Variants in PRRC2B observed in about 807,000 individuals in gnomAD.
PRRC2B encodes protein PRRC2B.
In PRRC2B, 68 loss-of-function variants were observed where a neutral mutation model predicts 242.3. That is an observed-to-expected ratio of 0.28 (90% CI 0.23 to 0.34). PRRC2B has a LOEUF of 0.34. PRRC2B is among the 10% of genes least tolerant of loss of function. The pLI is 1.00. For missense variants in PRRC2B, 2,835 were observed against 2,954.8 expected (o/e 0.96, Z 0.94); for synonymous variants, 1,228 against 1,173.6 (o/e 1.05, Z -0.95).
At chr9:131,382,685 C>A (rs1359985260) in intron 1 of PRRC2B, among the ~76,000 whole-genome samples, 1 of 151,470 alleles carries the variant, frequency 6.6e-6, no homozygotes, top group African/African-American at 2.4e-5. Context: ...TTGCCTGTCG[C>A]CCAGGCTGGA....
chr9:131,374,179 T>TA (rs1240519063), intron 1 of PRRC2B, among the ~76,000 whole-genome samples: 1 of 151,946 alleles, frequency 6.6e-6, no homozygotes, highest in Non-Finnish European at 1.5e-5. Context: ...ATAACACATA[T>TA]ACCCCCCAAA....
At chr9:131,420,763 G>A in intron 1 of PRRC2B, among the ~76,000 whole-genome samples, 1 of 151,852 alleles carries the variant, frequency 6.6e-6, no homozygotes, top group Non-Finnish European at 1.5e-5. Context: ...GATTACAGGT[G>A]TGAACCGCCA....
At chr9:131,464,045 G>A (rs973699060) in intron 11 of PRRC2B, among the ~76,000 whole-genome samples, 5 of 151,684 alleles carry the variant, frequency 3.3e-5, no homozygotes, top group African/African-American at 7.3e-5. Context: ...AGGTTCAAGC[G>A]ATTCTCCTGC....
chr9:131,429,324 A>G (rs538137219), intron 1 of PRRC2B, among the ~76,000 whole-genome samples: 3 of 152,206 alleles, frequency 2.0e-5, no homozygotes, highest in Non-Finnish European at 4.4e-5. Context: ...TAGTAGACTC[A>G]TGGACACCTG....
rs77285107 is a variant in PRRC2B, at chr9:131,484,190, T to A, written c.5461-496T>A. Reference sequence around the variant, plus strand: ...GCACTGTTGCATTTCCAGCCTCTGTTACCAGAGCCCTCTTTTTCAGTTTGC... The same window carrying A: ...GCACTGTTGCATTTCCAGCCTCTGTAACCAGAGCCCTCTTTTTCAGTTTGC... On this transcript the variant is annotated intron_variant, in intron 23 of 31. Transcript: ENST00000683519. Among the ~76,000 whole-genome samples, 1,445 of 152,332 alleles carry A rather than the reference T, an allele frequency of 9.5e-3. 29 individuals are homozygous for A. The highest frequency in any genetic ancestry group is 0.033 in the African/African-American group (1,367 of 41,566).
chr9:131,448,709 C>CA (rs1380723573), intron 9 of PRRC2B, among the ~76,000 whole-genome samples: 1 of 151,926 alleles, frequency 6.6e-6, no homozygotes, highest in African/African-American at 2.4e-5. Context: ...GCGGGTGCCA[C>CA]AAACCCAGCT....
chr9:131,447,614 C>T (rs1838844866), intron 8 of PRRC2B, 48 bp from the exon 9 acceptor site: 1 of 1,484,496 alleles, frequency 6.7e-7, no homozygotes, highest in Non-Finnish European at 9.0e-7. Context: ...TTTGATTTTG[C>T]TTCCGTCTGT....
chr9:131,491,634 C>A, intron 29 of PRRC2B, 54 bp downstream of exon 29: 1 of 1,493,880 alleles, frequency 6.7e-7, no homozygotes, highest in Non-Finnish European at 9.0e-7. Flanking sequence ...GTGTCACCAA[C>A]TTTTTCTAGC....
chr9:131,495,935 C>G lies in PRRC2B; in HGVS notation c.*61C>G. The stretch of plus-strand genomic sequence containing the variant: ...GGACGGTGCCGCCATGCGGCCTCGA[C>G]ACAGCCGACACTCGGGAGCCTCACC... On this transcript the variant is annotated 3_prime_UTR_variant, in exon 32 of 32. Coordinates refer to ENST00000683519, the MANE Select transcript of PRRC2B (RefSeq NM_013318.4). The G allele has an allele frequency of 6.4e-7, 1 of 1,571,262 alleles. No homozygotes were observed. The highest frequency in any genetic ancestry group is 8.7e-7 in the Non-Finnish European group (1 of 1,153,624).
intron 19 of PRRC2B, among the ~76,000 whole-genome samples, chr9:131,481,311 C>CAAAAAAAAAAA (rs11404767): frequency 1.1e-4 from 9 of 79,256 alleles, no homozygotes; most frequent in African/African-American, 4.6e-4. Flanking sequence ...ACTCCGTCTC[C>CAAAAAAAAAAA]AAAAAAAAAA....
chr9:131,489,577 A>C (rs576666197), intron 28 of PRRC2B, among the ~76,000 whole-genome samples: 82 of 152,080 alleles, frequency 5.4e-4, no homozygotes, highest in Middle Eastern at 6.8e-3. Context: ...ATTTCATCCA[A>C]GCTGTGGCTC....
intron 9 of PRRC2B, among the ~76,000 whole-genome samples, chr9:131,453,812 G>A (rs1026725413): frequency 3.9e-5 from 6 of 152,120 alleles, no homozygotes; most frequent in African/African-American, 9.7e-5. Context: ...GATTACAGGC[G>A]TGAGCCACTG....
intron 1 of PRRC2B, among the ~76,000 whole-genome samples, chr9:131,395,040 G>GC (rs1177930745): frequency 6.6e-6 from 1 of 151,602 alleles, no homozygotes; most frequent in Non-Finnish European, 1.5e-5. Context: ...GTGGGCCTCT[G>GC]AAGAGTGGAT....
intron 16 of PRRC2B, 61 bp from the exon 17 acceptor site, chr9:131,477,683 C>T: frequency 3.0e-6 from 3 of 995,316 alleles, no homozygotes; most frequent in Non-Finnish European, 4.6e-6. Context: ...AGGCTGTGTG[C>T]ACGTGCGGTG....
intron 5 of PRRC2B, among the ~76,000 whole-genome samples, chr9:131,440,167 A>G (rs1838516553): frequency 6.6e-6 from 1 of 152,180 alleles, no homozygotes. Context: ...TTGGCCTCCC[A>G]GAGTGCTGGG....
chr9:131,429,943 T>C (rs981446132), intron 1 of PRRC2B, 151 bp from the exon 2 acceptor site: 1 of 573,332 alleles, frequency 1.7e-6, no homozygotes, highest in Non-Finnish European at 3.1e-6. Flanking sequence ...AGAGCAGTTT[T>C]CTAAGGACAG....
intron 1 of PRRC2B, among the ~76,000 whole-genome samples, chr9:131,411,999 G>A (rs1037617077): frequency 6.6e-6 from 1 of 150,486 alleles, no homozygotes; most frequent in African/African-American, 2.5e-5. Flanking sequence ...TAGAGATGGC[G>A]TCTTGCTGTA....
Position 131,485,921 on chromosome 9 carries a change from C to T in PRRC2B, c.5759-164C>T, listed in dbSNP as rs539375561. ...GCGTGCCAGGCGTGTTGTGAGCAGG[C>T]GTGTGCTTCCGGCACACAGGGAACC... On this transcript the variant is annotated intron_variant, in intron 25 of 31. Transcript: ENST00000683519. Among the ~76,000 whole-genome samples, 126 of 152,296 alleles carry T rather than the reference C, an allele frequency of 8.3e-4. 1 individual carries two copies. The highest frequency in any genetic ancestry group is 1.5e-3 in the Non-Finnish European group (104 of 68,026).
intron 1 of PRRC2B, among the ~76,000 whole-genome samples, chr9:131,377,546 C>A (rs1295566099): frequency 1.3e-5 from 2 of 151,516 alleles, no homozygotes; most frequent in African/African-American, 4.9e-5. Flanking sequence ...TAAATGTGTG[C>A]ATGCCTCTCC....
Sources: allele counts gnomAD v4.1 joint callset (sites outside exome capture counted in the v4.1 genomes callset), GRCh38; gene constraint gnomAD v4.1.1; transcripts MANE v1.5; gene names NCBI Gene and HGNC (gene_info 2026-07-23, HGNC 2026-07-21).